DYSF: variants seen among roughly 807,000 people sequenced by gnomAD.
The protein encoded by DYSF is dysferlin, also known as dystrophy-associated fer-1-like 1.
DYSF carries 212 observed loss-of-function variants against 274.9 expected under a neutral mutation model. The ratio of observed to expected loss-of-function variants is 0.77; its 90% CI spans 0.69 to 0.86. The LOEUF (loss-of-function observed/expected upper bound fraction) is 0.86, where lower values mean the gene tolerates loss of function less well. Ranked by LOEUF, DYSF falls within the 40% of genes least tolerant of loss-of-function variation. DYSF has a pLI of 0.00. For missense variants in DYSF, 2,666 were observed against 2,783.2 expected (o/e 0.96, Z 0.95); for synonymous variants, 1,091 against 1,078.7 (o/e 1.01, Z -0.22).
chr2:71,685,950 C>G (rs117496451), intron 55 of DYSF, among the ~76,000 whole-genome samples: 1 of 152,148 alleles, frequency 6.6e-6, no homozygotes, highest in Non-Finnish European at 1.5e-5. Flanking sequence ...GGGTCATCCA[C>G]GACAGCCCAT....
intron 24 of DYSF, 49 bp from the exon 25 acceptor site, chr2:71,567,902 T>TC (rs748863897): frequency 1.9e-6 from 3 of 1,607,682 alleles, no homozygotes; most frequent in Admixed American, 1.7e-5. Context: ...CACTGGGACA[T>TC]CCGGATCCTG....
intron 24 of DYSF, among the ~76,000 whole-genome samples, chr2:71,565,647 C>T (rs2092050705): frequency 6.6e-6 from 1 of 152,212 alleles, no homozygotes; most frequent in Non-Finnish European, 1.5e-5. Context: ...CTTGTTGTCC[C>T]CTGGGGGGTG....
At chr2:71,481,835 C>T (rs1345995736) in intron 2 of DYSF, 44 bp from the exon 3 acceptor site, 2 of 1,541,462 alleles carry the variant, frequency 1.3e-6, no homozygotes. Flanking sequence ...GTCTCTTCTC[C>T]TAGAGGGCCA....
At position 71,475,987 on chromosome 2, in the gene DYSF, G is replaced by A. The variant is rs568471107; in HGVS notation, c.92-4896G>A. Among the ~76,000 whole-genome samples, 11 of 152,210 alleles carry A rather than the reference G, an allele frequency of 7.2e-5. 1 individual carries two copies. The South Asian group carries it at 2.3e-3, about 32-fold the overall frequency. On this transcript the variant is annotated intron_variant, in intron 1 of 55. Coordinates refer to ENST00000410020, the MANE Select transcript of DYSF (RefSeq NM_001130987.2). The stretch of plus-strand genomic sequence containing the variant: ...GAGCCCCACTATATTGCCCAGGTTA[G>A]TCTTGAACTCCTGTCCTCAGGCGAT...
At chr2:71,605,036 G>T (rs1009300547) in intron 36 of DYSF, among the ~76,000 whole-genome samples, 1 of 152,216 alleles carries the variant, frequency 6.6e-6, no homozygotes, top group African/African-American at 2.4e-5. Context: ...CTGTTGCATG[G>T]TGTGTCTGAG....
chr2:71,509,162 A>C (rs150655881), intron 4 of DYSF, among the ~76,000 whole-genome samples: 1 of 150,822 alleles, frequency 6.6e-6, no homozygotes, highest in Non-Finnish European at 1.5e-5. Flanking sequence ...AGCCGTCATG[A>C]AGTGTTTTTG....
chr2:71,527,680 A>T (rs2088103566), intron 13 of DYSF, among the ~76,000 whole-genome samples: 1 of 152,228 alleles, frequency 6.6e-6, no homozygotes, highest in Non-Finnish European at 1.5e-5. Context: ...GCTAGCGTAT[A>T]ATCTTTATCC....
rs753991231 is a variant in DYSF, at chr2:71,561,740, CG to C, written c.2217-11del. On this transcript the variant is annotated splice_polypyrimidine_tract_variant and intron_variant, in intron 22 of 55. Coordinates refer to ENST00000410020, the MANE Select transcript of DYSF (RefSeq NM_001130987.2). Reference sequence around the variant, plus strand: ...GCTCATCAGGCGCATTCCATCTGTCCGTCCCTCACAGCCAGCCTCTGGGTGA... The same window carrying C: ...GCTCATCAGGCGCATTCCATCTGTCCTCCCTCACAGCCAGCCTCTGGGTGA... 1 of 1,614,090 alleles carries C rather than the reference CG, an allele frequency of 6.2e-7. No individual in the cohort carries two copies. The highest frequency in any genetic ancestry group is 1.7e-5 in the Admixed American group (1 of 60,020).
chr2:71,618,567 T>TGTGTGGGGTAGAGTTGTGTGTGTGTGG (rs2093995870), intron 40 of DYSF, among the ~76,000 whole-genome samples: 4 of 14,964 alleles, frequency 2.7e-4, no homozygotes, highest in Non-Finnish European at 5.8e-4. Context: ...GGAGTGTGTG[T>TGTGTGGGGTAGAGTTGTGTGTGTGTGG]TTGTGTGGGG....
intron 13 of DYSF, 72 bp downstream of exon 13, chr2:71,526,418 T>TGGGGGGGGGGGGGTGGGGTTG: frequency 7.6e-6 from 2 of 261,504 alleles, no homozygotes; most frequent in African/African-American, 4.6e-5. Flanking sequence ...GGGTGGGCGA[T>TGGGGGGGGGGGGGTGGGGTTG]GGCGGGCGGG....
At chr2:71,635,368 G>A (rs1211632195) in intron 41 of DYSF, among the ~76,000 whole-genome samples, 1 of 152,208 alleles carries the variant, frequency 6.6e-6, no homozygotes, top group Non-Finnish European at 1.5e-5. Context: ...CTGCTGTTTA[G>A]GCATTCCTGT....
chr2:71,468,522 C>A (rs2081711741), intron 1 of DYSF, among the ~76,000 whole-genome samples: 1 of 152,164 alleles, frequency 6.6e-6, no homozygotes, highest in Non-Finnish European at 1.5e-5. Context: ...CCCAAGTACC[C>A]CGAACACGTG....
At chr2:71,466,587 C>A, upstream of DYSF, 2 of 1,190,148 alleles carry the variant, frequency 1.7e-6, no homozygotes, top group Non-Finnish European at 2.1e-6. Context: ...CGTCTGACCC[C>A]TGTCCCTCCC....
intron 12 of DYSF, among the ~76,000 whole-genome samples, chr2:71,525,416 G>C (rs761995633): frequency 3.9e-5 from 6 of 152,052 alleles, no homozygotes; most frequent in African/African-American, 1.4e-4. Flanking sequence ...GTAGAGACAG[G>C]GTTTCCCCAT....
intron 41 of DYSF, among the ~76,000 whole-genome samples, chr2:71,623,318 C>T (rs140616662): frequency 8.0e-6 from 1 of 124,742 alleles, no homozygotes; most frequent in African/African-American, 3.2e-5. Flanking sequence ...AATGCTGTCC[C>T]TCCCCCCTCC....
chr2:71,583,277 A>G (rs987874868), intron 30 of DYSF, among the ~76,000 whole-genome samples: 30 of 152,238 alleles, frequency 2.0e-4, no homozygotes, highest in African/African-American at 7.0e-4. Context: ...CCTTTTACAT[A>G]AGAGATGGGG....
chr2:71,565,467 T>A (rs908096135), intron 24 of DYSF, among the ~76,000 whole-genome samples: 1 of 152,126 alleles, frequency 6.6e-6, no homozygotes, highest in African/African-American at 2.4e-5. Flanking sequence ...CAGACTTTCA[T>A]CCAGCCTAGT....
In DYSF at chr2:71,643,954, T is replaced by C; in HGVS notation, c.4528-11T>C. 1 of 1,601,012 alleles carries C rather than the reference T, an allele frequency of 6.2e-7. No homozygotes were observed. Among genetic ancestry groups the C allele is most frequent in the Non-Finnish European group, 8.5e-7 (1 of 1,171,706 alleles). On this transcript the variant is annotated splice_polypyrimidine_tract_variant and intron_variant, in intron 41 of 55. Coordinates refer to ENST00000410020, the MANE Select transcript of DYSF (RefSeq NM_001130987.2). ...GTTTCTGAAATGGTCTCTTTCTTTC[T>C]ACCCACTCAGGAGGAAGAGTTCATC...
chr2:71,623,418 A>G (rs1311340793), intron 41 of DYSF, among the ~76,000 whole-genome samples: 2 of 148,996 alleles, frequency 1.3e-5, no homozygotes, highest in Non-Finnish European at 3.0e-5. Flanking sequence ...GAGCGAGAAT[A>G]TGCGGTGTTT....
Sources: gnomAD v4.1 joint callset for allele counts (sites outside exome capture counted in the v4.1 genomes callset) on GRCh38, gnomAD v4.1.1 for gene constraint, MANE v1.5 for transcripts, NCBI Gene and HGNC (gene_info 2026-07-23, HGNC 2026-07-21) for gene names.